The following CLASP1 variants were observed in gnomAD, a reference collection of about 807,000 sequenced individuals.
The protein encoded by CLASP1 is cytoplasmic linker associated protein 1, also known as CLIP-associating protein 1.
A neutral mutation model predicts 192.3 loss-of-function variants in CLASP1; 38 were observed. The ratio of observed to expected loss-of-function variants is 0.20; its 90% CI spans 0.15 to 0.26. The LOEUF (loss-of-function observed/expected upper bound fraction) is 0.26. Among genes scored for constraint, CLASP1 ranks in the 10% least tolerant of loss-of-function variants. The pLI is 1.00. For missense variants in CLASP1, 1,433 were observed against 1,932.5 expected (o/e 0.74, Z 4.85); for synonymous variants, 691 against 712.8 (o/e 0.97, Z 0.49).
intron 7 of CLASP1, among the ~76,000 whole-genome samples, chr2:121,513,478 TG>T (rs2094200472): frequency 6.6e-6 from 1 of 152,032 alleles, no homozygotes. Flanking sequence ...GTGAAGAACC[TG>T]AGAAACATGT....
intron 37 of CLASP1, 38 bp from the exon 39 acceptor site, chr2:121,348,756 T>A: frequency 6.6e-7 from 1 of 1,515,264 alleles, no homozygotes; most frequent in Non-Finnish European, 8.9e-7. Context: ...GAGCTCCACA[T>A]GCCACATGAA....
At chr2:121,491,768 T>C (rs753774944) in intron 8 of CLASP1, among the ~76,000 whole-genome samples, 4 of 152,236 alleles carry the variant, frequency 2.6e-5, no homozygotes, top group South Asian at 4.1e-4. Flanking sequence ...TGAAGTATTC[T>C]ATTACAGACA....
At chr2:121,472,851 C>T (rs747666749) in intron 8 of CLASP1, among the ~76,000 whole-genome samples, 14 of 152,306 alleles carry the variant, frequency 9.2e-5, no homozygotes, top group Non-Finnish European at 1.3e-4. Flanking sequence ...AGAGTCAGGT[C>T]TTAGTGAGAC....
chr2:121,637,406 A>G (rs2071090938), intron 1 of CLASP1, among the ~76,000 whole-genome samples: 1 of 152,112 alleles, frequency 6.6e-6, no homozygotes, highest in African/African-American at 2.4e-5. Flanking sequence ...GGCTATCTAC[A>G]TGAAAAAAAA....
chr2:121,411,149 T>G (rs1342191705), intron 23 of CLASP1, among the ~76,000 whole-genome samples, 180 bp from the exon 25 acceptor site: 1 of 152,274 alleles, frequency 6.6e-6, no homozygotes, highest in African/African-American at 2.4e-5. Flanking sequence ...TTTAATGCTA[T>G]AGTGCCACAA....
intron 8 of CLASP1, among the ~76,000 whole-genome samples, chr2:121,471,484 T>C (rs1266047335): frequency 1.3e-5 from 2 of 152,078 alleles, no homozygotes; most frequent in African/African-American, 4.8e-5. Flanking sequence ...ATTAGTTCTT[T>C]ACCAATAAGT....
chr2:121,391,891 G>A (rs536095871), intron 30 of CLASP1, among the ~76,000 whole-genome samples: 7 of 152,174 alleles, frequency 4.6e-5, no homozygotes, highest in South Asian at 2.1e-4. Context: ...CCAACAGAGC[G>A]AGACTGTCTC....
chr2:121,506,387 T>C (rs2093950923), intron 7 of CLASP1, among the ~76,000 whole-genome samples: 1 of 152,040 alleles, frequency 6.6e-6, no homozygotes, highest in Non-Finnish European at 1.5e-5. Flanking sequence ...TTAGAGGCCT[T>C]TTCCCTGAGG....
chr2:121,633,976 C>A (rs1441151308), intron 1 of CLASP1, among the ~76,000 whole-genome samples: 1 of 149,182 alleles, frequency 6.7e-6, no homozygotes, highest in Non-Finnish European at 1.5e-5. Flanking sequence ...CCAGCCTGGG[C>A]GACAGAGCGA....
At chr2:121,648,003 G>A (rs1406524149) in intron 1 of CLASP1, among the ~76,000 whole-genome samples, 1 of 152,156 alleles carries the variant, frequency 6.6e-6, no homozygotes, top group Non-Finnish European at 1.5e-5. Context: ...AATTTAACAA[G>A]ATAACCAGAT....
intron 2 of CLASP1, among the ~76,000 whole-genome samples, chr2:121,568,188 G>A (rs1246513215): frequency 6.6e-6 from 1 of 152,044 alleles, no homozygotes; most frequent in African/African-American, 2.4e-5. Flanking sequence ...AATGGACAGG[G>A]GTGGCTAATG....
rs117539432 is a variant in CLASP1, at chr2:121,471,532, A to G, written c.713-1572T>C. Among the ~76,000 whole-genome samples the G allele has an allele frequency of 4.1e-4, 62 of 152,230 alleles. 1 individual carries two copies. The East Asian group carries it at 0.011, about 27-fold the overall frequency. ...ATTGCTATCCAAAAAACACACAAAT[A>G]GAATCCTGTTTTCCTTGATCTAGTT... On this transcript the variant is annotated intron_variant, in intron 8 of 39. Transcript: ENST00000263710.
At chr2:121,515,854 A>G (rs1335576244) in intron 6 of CLASP1, 92 bp from the exon 7 acceptor site, 96 of 941,238 alleles carry the variant, frequency 1.0e-4, no homozygotes, top group Non-Finnish European at 2.4e-5. Flanking sequence ...ACCCCAATTT[A>G]TCACCATTTT....
chr2:121,480,425 ATAACT>A (rs1347510933), intron 8 of CLASP1, among the ~76,000 whole-genome samples: 8 of 152,298 alleles, frequency 5.3e-5, no homozygotes, highest in Middle Eastern at 3.4e-3. Flanking sequence ...CTGCTGCTAC[ATAACT>A]TATAACCAGG....
chr2:121,353,651 T>G (rs938896334), intron 37 of CLASP1, among the ~76,000 whole-genome samples: 9 of 152,244 alleles, frequency 5.9e-5, no homozygotes, highest in Non-Finnish European at 1.2e-4. Flanking sequence ...TCCCTCCCAC[T>G]AGACTAAAAG....
At chr2:121,452,176 A>AAT (rs753292857) in intron 14 of CLASP1, among the ~76,000 whole-genome samples, 11 of 152,212 alleles carry the variant, frequency 7.2e-5, no homozygotes, top group African/African-American at 9.6e-5. Context: ...GTAATATGTT[A>AAT]ATAGAGAATG....
intron 1 of CLASP1, among the ~76,000 whole-genome samples, chr2:121,636,490 C>T (rs538202480): frequency 6.6e-5 from 10 of 151,056 alleles, no homozygotes; most frequent in African/African-American, 2.4e-4. Context: ...ATGCTGAAAC[C>T]CCATCTCTAC....
chr2:121,364,080 A>C (rs946581699), intron 36 of CLASP1: 1 of 152,214 alleles, frequency 6.6e-6, no homozygotes, highest in Non-Finnish European at 1.5e-5. Flanking sequence ...ATTTTTAAAA[A>C]GTTTTTTTTA....
chr2:121,465,806 C>T (rs1384972347), intron 9 of CLASP1, among the ~76,000 whole-genome samples: 1 of 152,224 alleles, frequency 6.6e-6, no homozygotes, highest in Admixed American at 6.5e-5. Context: ...CAGCATGGTA[C>T]TGGTATCAAA....
Sources: gnomAD v4.1 joint callset for allele counts (sites outside exome capture counted in the v4.1 genomes callset) on GRCh38, gnomAD v4.1.1 for gene constraint, MANE v1.5 for transcripts, NCBI Gene and HGNC (gene_info 2026-07-23, HGNC 2026-07-21) for gene names.